Variants in ROS1 observed in about 807,000 individuals in gnomAD.
ROS1 encodes the protein ROS proto-oncogene 1, receptor tyrosine kinase.
Under a neutral mutation model 273.5 loss-of-function variants are expected in ROS1, and 263 were observed. The observed-to-expected ratio is 0.96, with a 90% CI of 0.87 to 1.06. The LOEUF (loss-of-function observed/expected upper bound fraction) is 1.06, where lower values mean the gene tolerates loss of function less well. ROS1 is among the 50% of genes least tolerant of loss of function. The pLI, the probability that ROS1 is intolerant of heterozygous loss-of-function variation, is 0.00. For synonymous variants in ROS1, 1,008 were observed against 954.1 expected, an observed-to-expected ratio of 1.06 and a Z score of -1.04; for missense variants, 2,833 against 2,751.1, an observed-to-expected ratio of 1.03 and a Z score of -0.67.
In ROS1 at chr6:117,359,980, A is replaced by G; in HGVS notation, c.3462T>C (p.Leu1154=). ...CTAAAAAAACTATCTTGTTACCAAGAAGAGTTATGAGGTGAGGAAATGGGT... is the reference window on the plus strand; with the variant it reads ...CTAAAAAAACTATCTTGTTACCAAGGAGAGTTATGAGGTGAGGAAATGGGT... ...EINPFPHLIT[L]LGNKIVFLDM... The change falls in exon 24 of 44, where the codon CTT becomes CTC. Residue 1154 remains leucine, a synonymous_variant. Coordinates refer to ENST00000368507, the MANE Select transcript of ROS1 (RefSeq NM_001378902.1). 1 of 1,613,842 alleles carries G rather than the reference A, an allele frequency of 6.2e-7. No individual in the cohort carries two copies. The highest frequency in any genetic ancestry group is 1.1e-5 in the South Asian group (1 of 91,072).
At chr6:117,294,368 ATTATC>A (rs1181443186) in intron 43 of ROS1, among the ~76,000 whole-genome samples, 2 of 152,136 alleles carry the variant, frequency 1.3e-5, no homozygotes, top group African/African-American at 4.8e-5. Flanking sequence ...CACAGATAAT[ATTATC>A]TTATATCTAG....
rs576599440 is a variant in ROS1 at position 117,363,835 on chromosome 6, C to T, written c.3104-970G>A. On this transcript the variant is annotated intron_variant, in intron 21 of 43. Coordinates refer to ENST00000368507, the MANE Select transcript of ROS1 (RefSeq NM_001378902.1). ...ATTTGCTGTGCATGTGTTTATCTCC[C>T]TCCTGTTTTATGAACTCCATCAGAG... is the stretch of plus-strand genomic sequence containing the variant. 3.3e-5 allele frequency among the ~76,000 whole-genome samples: 5 copies of T among 152,188 alleles called. No homozygotes were observed. In the South Asian group the frequency reaches 1.0e-3, roughly 32 times the overall value.
chr6:117,288,674 A>T lies in ROS1; in HGVS notation c.6844T>A (p.Ser2282Thr), dbSNP rs1167721609. Reference protein sequence around the residue: ...ATECGQGEEKSEGPLGSQESE... With the variant: ...ATECGQGEEKTEGPLGSQESE... Reference sequence around the variant, plus strand: ...TCCTGGGAGCCTAGAGGACCCTCAGACTTTTCTTCACCTTGGCCACATTCT... The same window carrying T: ...TCCTGGGAGCCTAGAGGACCCTCAGTCTTTTCTTCACCTTGGCCACATTCT... The change falls in exon 44 of 44, where the codon TCT becomes ACT. Residue 2282 changes from serine (S) to threonine (T), a missense_variant. Ser to Thr is a moderately conservative substitution (Grantham distance 58). Transcript: ENST00000368507. The T allele has an allele frequency of 1.9e-6, 3 of 1,614,048 alleles. No homozygotes were observed. In the South Asian group the frequency reaches 3.3e-5, roughly 18 times the overall value.
At position 117,404,061 on chromosome 6, in the gene ROS1, G is replaced by A. The variant is rs997393920; in HGVS notation, c.465+219C>T. Among the ~76,000 whole-genome samples, 4 of 152,278 alleles carry A rather than the reference G, an allele frequency of 2.6e-5. No homozygotes were observed. The Middle Eastern group carries it at 0.01, about 388-fold the overall frequency. On this transcript the variant is annotated intron_variant, in intron 6 of 43. Coordinates refer to ENST00000368507, the MANE Select transcript of ROS1 (RefSeq NM_001378902.1). Reference sequence around the variant, plus strand: ...CCATCCTGGCTAACACGGTGAAACCGTGTCTCTACTGAAAATACAAAAAAT... The same window carrying A: ...CCATCCTGGCTAACACGGTGAAACCATGTCTCTACTGAAAATACAAAAAAT...
At chr6:117,410,366 C>T (rs1010161523) in intron 4 of ROS1, among the ~76,000 whole-genome samples, 4 of 152,080 alleles carry the variant, frequency 2.6e-5, no homozygotes, top group Admixed American at 2.0e-4. Flanking sequence ...TTATATATCC[C>T]GGTCTTCCTT....
chr6:117,393,729 A>ACC (rs1773260809), intron 11 of ROS1, among the ~76,000 whole-genome samples: 1 of 151,922 alleles, frequency 6.6e-6, no homozygotes, highest in Non-Finnish European at 1.5e-5. Context: ...CACCACCACC[A>ACC]ACAACAACAA....
chr6:117,380,151 T>A (rs1313769844), intron 17 of ROS1, among the ~76,000 whole-genome samples: 1 of 152,106 alleles, frequency 6.6e-6, no homozygotes, highest in African/African-American at 2.4e-5. Flanking sequence ...CCCTGTAACA[T>A]ACCTAGAAGC....
chr6:117,418,384 G>C, intron 2 of ROS1, 78 bp downstream of exon 2: 7 of 987,376 alleles, frequency 7.1e-6, no homozygotes. Context: ...AATTCTTACT[G>C]TGATAAAATC....
At position 117,353,140 on chromosome 6, in the gene ROS1, C is replaced by A. The variant is rs1206111595; in HGVS notation, c.4153G>T (p.Asp1385Tyr). Reference sequence around the variant, plus strand: ...ATGATCCAGTATATAAGATCTCCATCCACAGTTAAGCTAACAAGGGTTTTT... The same window carrying A: ...ATGATCCAGTATATAAGATCTCCATACACAGTTAAGCTAACAAGGGTTTTT... ...LGKTLVSLTV[D>Y]GDLIYWIITA... The change falls in exon 27 of 44, where the codon GAT (aspartate) becomes TAT (tyrosine). Residue 1385 changes from aspartate to tyrosine, a missense_variant. Transcript: ENST00000368507. 6.2e-7 allele frequency: 1 copy of A among 1,611,682 alleles called. No homozygotes were observed. The highest frequency in any genetic ancestry group is 1.1e-5 in the South Asian group (1 of 90,624).
In ROS1 at chr6:117,343,957, A is replaced by G. The variant is rs369091737; in HGVS notation, c.4506+103T>C. The G allele has an allele frequency of 2.3e-3, 2,178 of 929,680 alleles. 56 individuals carry two copies. The South Asian group carries it at 0.032, about 14-fold the overall frequency. The allele number at this position is 929,680 out of a possible 1,614,324, so 57.6% of individuals were successfully genotyped here. A position where few individuals can be genotyped will look rare whatever the true frequency, so the allele number is the denominator to read the frequency against. On this transcript the variant is annotated intron_variant, in intron 28 of 43. Transcript: ENST00000368507. ...ATTAGCTGTAAAAAAGTTGCGTACT[A>G]GTCCATTTCAGAACATATAGGAAAT... is the stretch of plus-strand genomic sequence containing the variant.
intron 27 of ROS1, among the ~76,000 whole-genome samples, chr6:117,350,814 A>G (rs1778783555): frequency 6.6e-6 from 1 of 151,600 alleles, no homozygotes; most frequent in South Asian, 2.1e-4. Context: ...CACATGTTAC[A>G]GTGTTTTTAT....
intron 17 of ROS1, among the ~76,000 whole-genome samples, chr6:117,381,093 T>C (rs938223168): frequency 1.3e-5 from 2 of 151,644 alleles, no homozygotes; most frequent in Non-Finnish European, 1.5e-5. Context: ...GGGAGTCAGA[T>C]AGATTAGACA....
intron 5 of ROS1, among the ~76,000 whole-genome samples, chr6:117,407,069 G>A (rs1419958413): frequency 6.7e-6 from 1 of 149,666 alleles, no homozygotes; most frequent in Non-Finnish European, 1.5e-5. Context: ...CCGTGACACA[G>A]AAAAAAAAAA....
chr6:117,326,091 T>TTATA (rs56113300), intron 34 of ROS1, 133 bp downstream of exon 34: 4,879 of 147,540 alleles, frequency 0.033, 117 homozygotes, highest in African/African-American at 0.064. Flanking sequence ...GATAATAAGA[T>TTATA]TATATATATA....
chr6:117,324,865 C>T (rs917047656), intron 34 of ROS1, among the ~76,000 whole-genome samples: 16 of 152,018 alleles, frequency 1.1e-4, no homozygotes, highest in African/African-American at 2.7e-4. Context: ...GAAACAAACA[C>T]GTAGGCCAGA....
chr6:117,362,537 T>C (rs1008550756), intron 22 of ROS1, 66 bp downstream of exon 22: 51 of 1,445,386 alleles, frequency 3.5e-5, no homozygotes, highest in Non-Finnish European at 4.8e-5. Flanking sequence ...CCCAGAAACA[T>C]AGTCTTTCCC....
In ROS1 at chr6:117,326,499, C is replaced by T. The variant is rs138661109; in HGVS notation, c.5349-85G>A. On this transcript the variant is annotated intron_variant, in intron 33 of 43. Coordinates refer to ENST00000368507, the MANE Select transcript of ROS1 (RefSeq NM_001378902.1). ...TTCATAGATCTTCTTAGTGACTGAACGCCAGAGAGTGTCCTTTGGCACAAT... is the reference window on the plus strand; with the variant it reads ...TTCATAGATCTTCTTAGTGACTGAATGCCAGAGAGTGTCCTTTGGCACAAT... 209 of 817,748 alleles carry T rather than the reference C, an allele frequency of 2.6e-4. 1 individual carries two copies. In the African/African-American group the frequency reaches 3.1e-3, roughly 12 times the overall value. The allele number at this position is 817,748 out of a possible 1,614,324, so 50.7% of individuals were successfully genotyped here.
chr6:117,324,619 T>TC (rs150636655), intron 34 of ROS1, among the ~76,000 whole-genome samples: 2,951 of 152,190 alleles, frequency 0.019, 63 homozygotes, highest in East Asian at 0.061. Flanking sequence ...TTTTTGCTTT[T>TC]TTTTGCAGAG....
At chr6:117,314,444 T>C (rs1775757375) in intron 39 of ROS1, among the ~76,000 whole-genome samples, 1 of 152,158 alleles carries the variant, frequency 6.6e-6, no homozygotes, top group Admixed American at 6.5e-5. Context: ...CAGGTATCCC[T>C]GAATACAGGG....
Sources: gnomAD v4.1 joint callset for allele counts (sites outside exome capture counted in the v4.1 genomes callset) on GRCh38, gnomAD v4.1.1 for gene constraint, MANE v1.5 for transcripts, NCBI Gene and HGNC (gene_info 2026-07-23, HGNC 2026-07-21) for gene names.